Variants in PCYT2 observed in about 807,000 individuals in gnomAD.
PCYT2 encodes ethanolamine-phosphate cytidylyltransferase.
A neutral mutation model predicts 50.0 loss-of-function variants in PCYT2; 33 were observed. The observed-to-expected ratio is 0.66, with a 90% CI of 0.50 to 0.88. The LOEUF is 0.88. PCYT2 is among the 40% of genes least tolerant of loss of function. The pLI is 0.00. For synonymous variants in PCYT2, 240 were observed against 203.7 expected (o/e 1.18, Z -1.52); for missense variants, 430 against 519.7 (o/e 0.83, Z 1.68).
At chr17:81,906,367 C>A (rs1213399523) in intron 8 of PCYT2, 97 bp downstream of exon 8, 2 of 1,336,982 alleles carry the variant, frequency 1.5e-6, no homozygotes, top group African/African-American at 1.4e-5. Context: ...TCACCTGGGG[C>A]CCCTTCCCAG....
In PCYT2 at chr17:81,904,886, C is replaced by A. The variant is rs375420216; in HGVS notation, c.1117G>T (p.Ala373Ser). 6.2e-7 allele frequency: 1 copy of A among 1,612,936 alleles called. No homozygotes were observed. Among genetic ancestry groups the A allele is most frequent in the African/African-American group, 1.3e-5 (1 of 74,940 alleles). Residue 373 changes from alanine (A) to serine (S), a missense_variant, in exon 13 of 13, where the codon GCT (alanine) becomes TCT (serine). Ala to Ser is a moderately conservative substitution (Grantham distance 99). Coordinates refer to ENST00000538936, the MANE Select transcript of PCYT2 (RefSeq NM_002861.5). ...GGCTGTGCCGCCTGCTGCCTGGCAG[C>A]CTCCAGGAAGGCCAGCTCCTTGGCT... The part of the protein sequence containing the change: ...KEAKELAFLE[A>S]ARQQAAQPLG...
In PCYT2 at chr17:81,911,378, C is replaced by A; in HGVS notation, c.-23G>T. Reference sequence around the variant, plus strand: ...CATGGCCCCGCAGCGGCGGCGCGGACAGCCTGGCAGCTCCCGGCGACTCCG... The same window carrying A: ...CATGGCCCCGCAGCGGCGGCGCGGAAAGCCTGGCAGCTCCCGGCGACTCCG... On this transcript the variant is annotated 5_prime_UTR_variant, in exon 1 of 13. Transcript: ENST00000538936. The A allele has an allele frequency of 9.7e-7, 1 of 1,025,820 alleles. No individual in the cohort carries two copies. Among genetic ancestry groups the A allele is most frequent in the Non-Finnish European group, 1.2e-6 (1 of 857,236 alleles). 63.5% of individuals were successfully genotyped at this position (1,025,820 alleles called of 1,614,324 possible).
rs752799104 is a variant in PCYT2, at chr17:81,905,180, G to A, written c.970-26C>T. ...CTGGGGGTCCAGAGAGGAGGAGCGG[G>A]ATGAAGGTCCCTGCTGACCTCCCCA... On this transcript the variant is annotated intron_variant, in intron 11 of 12. Coordinates refer to ENST00000538936, the MANE Select transcript of PCYT2 (RefSeq NM_002861.5). 1.4e-5 allele frequency: 22 copies of A among 1,584,862 alleles called. No homozygotes were observed. The African/African-American group carries it at 2.7e-4, about 19-fold the overall frequency.
chr17:81,902,384 C>T lies in PCYT2; in HGVS notation c.*2449G>A, dbSNP rs2039986554. On this transcript the variant is annotated 3_prime_UTR_variant, in exon 13 of 13. Coordinates refer to ENST00000538936, the MANE Select transcript of PCYT2 (RefSeq NM_002861.5). ...CCAGCGGCGGGGCACAGCTCCTACT[C>T]GGTGGGCCGCGCCGCGGGGCTGCTG... 3.0e-6 allele frequency: 4 copies of T among 1,342,968 alleles called. No individual in the cohort carries two copies. The highest frequency in any genetic ancestry group is 4.1e-5 in the Admixed American group (1 of 24,144). The allele number at this position is 1,342,968 out of a possible 1,614,324, so 83.2% of individuals were successfully genotyped here.
In PCYT2 at chr17:81,902,997, C is replaced by T. The variant is rs894689517; in HGVS notation, c.*1836G>A. On this transcript the variant is annotated 3_prime_UTR_variant, in exon 13 of 13. Transcript: ENST00000538936. ...GGGTATGAGAAGGCAGCCGAGTGTG[C>T]GGCGGCAGGGCAAGGTTGGCCTGGG... is the stretch of plus-strand genomic sequence containing the variant. 7 of 495,530 alleles carry T rather than the reference C, an allele frequency of 1.4e-5. No individual in the cohort carries two copies. The highest frequency in any genetic ancestry group is 7.8e-5 in the Admixed American group (2 of 25,522). The allele number at this position is 495,530 out of a possible 1,614,324, so 30.7% of individuals were successfully genotyped here. A position where few individuals can be genotyped will look rare whatever the true frequency, so the allele number is the denominator to read the frequency against.
chr17:81,905,987 G>A, intron 9 of PCYT2, 113 bp downstream of exon 9: 4 of 935,674 alleles, frequency 4.3e-6, no homozygotes, highest in South Asian at 3.1e-5. Flanking sequence ...GGTGCTGGGT[G>A]CAGCTCTGCC....
rs1294900485 is a variant in PCYT2 at position 81,900,986 on chromosome 17, G to C, written c.*3847C>G. On this transcript the variant is annotated 3_prime_UTR_variant, in exon 13 of 13. Transcript: ENST00000538936. ...AGAGTATATATGAAGAGTTTATTGGGAGTATTGACTCACGTGATCACAAGG... is the reference window on the plus strand; with the variant it reads ...AGAGTATATATGAAGAGTTTATTGGCAGTATTGACTCACGTGATCACAAGG... 1.3e-5 allele frequency: 2 copies of C among 152,190 alleles called. No homozygotes were observed. Among genetic ancestry groups the C allele is most frequent in the African/African-American group, 4.8e-5 (2 of 41,450 alleles). The allele number at this position is 152,190 out of a possible 1,614,324, so 9.4% of individuals were successfully genotyped here.
In PCYT2 at chr17:81,911,300, C is replaced by G. The variant is rs781073376; in HGVS notation, c.56G>C (p.Gly19Ala). The G allele has an allele frequency of 1.8e-6, 2 of 1,136,680 alleles. No individual in the cohort carries two copies. The highest frequency in any genetic ancestry group is 2.1e-5 in the South Asian group (1 of 46,934). The allele number at this position is 1,136,680 out of a possible 1,614,324, so 70.4% of individuals were successfully genotyped here. The stretch of plus-strand genomic sequence containing the variant: ...GCACCACACCCTCACGGCGCGCCTG[C>G]CCCCCGGGCCCGGCTGCTCTGCGCC... ...AGGAEQPGPG[G>A]RRAVRVWCDG... Residue 19 changes from glycine to alanine, a missense_variant, in exon 1 of 13, where the codon GGC (glycine) becomes GCC (alanine). Gly to Ala is a moderately conservative substitution (Grantham distance 60, BLOSUM62 0). This residue lies in a region of PCYT2 where 63 missense variants were observed against 37.5 expected (regional missense o/e 1.68). Transcript: ENST00000538936.
chr17:81,907,454 A>G, intron 6 of PCYT2, 100 bp downstream of exon 6: 1 of 1,333,622 alleles, frequency 7.5e-7, no homozygotes, highest in Non-Finnish European at 1.0e-6. Context: ...GAGGAGGGTG[A>G]GGCTCTGGGC....
At chr17:81,905,283 G>A (rs1448921443) in intron 11 of PCYT2, 99 bp downstream of exon 11, 6 of 1,316,202 alleles carry the variant, frequency 4.6e-6, no homozygotes, top group South Asian at 1.3e-5. Flanking sequence ...GAGCAGCTGC[G>A]CCACCATGCC....
intron 5 of PCYT2, 22 bp downstream of exon 5, chr17:81,907,751 G>A (rs756836175): frequency 2.4e-5 from 38 of 1,610,792 alleles, no homozygotes; most frequent in Middle Eastern, 1.7e-4. Flanking sequence ...CAGGGGCCTC[G>A]GGGATTCCGC....
At position 81,901,074 on chromosome 17, in the gene PCYT2, CAAAAGT is replaced by C. The variant is rs2039937135; in HGVS notation, c.*3753_*3758del. The C allele has an allele frequency of 6.6e-6, 1 of 152,200 alleles. No homozygotes were observed. The highest frequency in any genetic ancestry group is 1.5e-5 in the Non-Finnish European group (1 of 68,038). 9.4% of individuals were successfully genotyped at this position (152,200 alleles called of 1,614,324 possible). ...AAGGAAGCCAGTCTGAGTCCCAAAA[CAAAAGT>C]AGAGAAGCCGATAGTGCAGCCTTCA... is the stretch of plus-strand genomic sequence containing the variant. On this transcript the variant is annotated 3_prime_UTR_variant, in exon 13 of 13. Transcript: ENST00000538936.
Position 81,904,733 on chromosome 17 carries a change from G to C in PCYT2, c.*100C>G. 2 of 767,354 alleles carry C rather than the reference G, an allele frequency of 2.6e-6. No homozygotes were observed. Among genetic ancestry groups the C allele is most frequent in the Non-Finnish European group, 4.1e-6 (2 of 482,240 alleles). 47.5% of individuals were successfully genotyped at this position (767,354 alleles called of 1,614,324 possible). On this transcript the variant is annotated 3_prime_UTR_variant, in exon 13 of 13. Coordinates refer to ENST00000538936, the MANE Select transcript of PCYT2 (RefSeq NM_002861.5). ...CAGAGTCCTCACCAGCCCTTCCAGAGCCAGGCCAGTTAGAGAGGGCGGCCC... is the reference window on the plus strand; with the variant it reads ...CAGAGTCCTCACCAGCCCTTCCAGACCCAGGCCAGTTAGAGAGGGCGGCCC...
chr17:81,906,947 C>A, intron 6 of PCYT2, 49 bp from the exon 7 acceptor site: 1 of 1,580,042 alleles, frequency 6.3e-7, no homozygotes. Context: ...CTCCCAGGTG[C>A]TGCCCTCACC....
chr17:81,910,151 T>C (rs1042757190), intron 1 of PCYT2, among the ~76,000 whole-genome samples: 37 of 152,142 alleles, frequency 2.4e-4, no homozygotes, highest in African/African-American at 8.2e-4. Flanking sequence ...ACGCTAAGGG[T>C]GAACAGCCAC....
chr17:81,903,895 T>C lies in PCYT2; in HGVS notation c.*938A>G, dbSNP rs183149715. The C allele has an allele frequency of 1.3e-5, 2 of 152,322 alleles. No individual in the cohort carries two copies. Among genetic ancestry groups the C allele is most frequent in the Admixed American group, 1.3e-4 (2 of 15,308 alleles). The allele number at this position is 152,322 out of a possible 1,614,324, so 9.4% of individuals were successfully genotyped here. On this transcript the variant is annotated 3_prime_UTR_variant, in exon 13 of 13. Coordinates refer to ENST00000538936, the MANE Select transcript of PCYT2 (RefSeq NM_002861.5). ...GAATGCGGCGAGACCAGGCAATCTA[T>C]GGCCTCCCTAGACACCTCCCGGAGG...
chr17:81,908,110 G>A (rs899843835), intron 4 of PCYT2, among the ~76,000 whole-genome samples: 1 of 152,194 alleles, frequency 6.6e-6, no homozygotes, highest in Non-Finnish European at 1.5e-5. Flanking sequence ...GCCCAGGTGT[G>A]CAATGCCAGG....
chr17:81,909,748 C>T lies in PCYT2; in HGVS notation c.90-146G>A, dbSNP rs537631132. The stretch of plus-strand genomic sequence containing the variant: ...TGCTGGGAGCCCTGGGACTGGGATT[C>T]GGAGGATGTAGGTGCTCAGCTCTCC... On this transcript the variant is annotated intron_variant, in intron 1 of 12. Coordinates refer to ENST00000538936, the MANE Select transcript of PCYT2 (RefSeq NM_002861.5). 3.1e-4 allele frequency: 201 copies of T among 649,630 alleles called. 1 individual carries two copies. In the African/African-American group the frequency reaches 3.2e-3, roughly 10 times the overall value. 40.2% of individuals were successfully genotyped at this position (649,630 alleles called of 1,614,324 possible). A position where few individuals can be genotyped will look rare whatever the true frequency, so the allele number is the denominator to read the frequency against.
chr17:81,909,421 C>T, intron 2 of PCYT2, 93 bp downstream of exon 2: 1 of 1,489,104 alleles, frequency 6.7e-7, no homozygotes, highest in Non-Finnish European at 9.2e-7. Flanking sequence ...TGTGCCCTGG[C>T]AAGGTGGCCC....
Sources: allele counts gnomAD v4.1 joint callset (sites outside exome capture counted in the v4.1 genomes callset), GRCh38; gene constraint gnomAD v4.1.1; regional missense constraint gnomAD v4.1.1; transcripts MANE v1.5; gene names NCBI Gene and HGNC (gene_info 2026-07-23, HGNC 2026-07-21).